CPEB1: variants seen among roughly 807,000 people sequenced by gnomAD.
CPEB1 encodes the protein cytoplasmic polyadenylation element binding protein 1, also known as cytoplasmic polyadenylation element-binding protein 1.
CPEB1 carries 7 observed loss-of-function variants against 65.8 expected under a neutral mutation model. The ratio of observed to expected loss-of-function variants is 0.11; its 90% CI spans 0.06 to 0.20. The LOEUF (loss-of-function observed/expected upper bound fraction) is 0.20, where lower values mean the gene tolerates loss of function less well. Ranked by LOEUF, CPEB1 falls within the 10% of genes least tolerant of loss-of-function variation. The pLI, the probability that CPEB1 is intolerant of heterozygous loss-of-function variation, is 1.00. For missense variants in CPEB1, 551 were observed against 712.2 expected, an observed-to-expected ratio of 0.77 and a Z score of 2.58; for synonymous variants, 262 against 260.0, an observed-to-expected ratio of 1.01 and a Z score of -0.08.
chr15:82,600,005 A>G (rs1485962571), intron 3 of CPEB1, among the ~76,000 whole-genome samples: 11 of 152,212 alleles, frequency 7.2e-5, no homozygotes, highest in Non-Finnish European at 1.6e-4. Context: ...AAGAGAAAGA[A>G]AAATGAGGCA....
intron 3 of CPEB1, among the ~76,000 whole-genome samples, chr15:82,577,643 T>A (rs2040808857): frequency 6.6e-6 from 1 of 152,002 alleles, no homozygotes; most frequent in African/African-American, 2.4e-5. Context: ...GCCTCCCAAG[T>A]AGCTGGGACT....
intron 3 of CPEB1, among the ~76,000 whole-genome samples, chr15:82,626,209 G>A (rs769460617): frequency 7.9e-5 from 12 of 151,842 alleles, no homozygotes; most frequent in Admixed American, 2.6e-4. Flanking sequence ...GCCAAGGCAC[G>A]CAGATCACAA....
intron 6 of CPEB1, among the ~76,000 whole-genome samples, chr15:82,555,644 A>G (rs543170902): frequency 6.6e-6 from 1 of 152,336 alleles, no homozygotes; most frequent in Non-Finnish European, 1.5e-5. Flanking sequence ...TGGCACATGC[A>G]TGTGCCAGAT....
intron 1 of CPEB1, chr15:82,641,637 C>T (rs2047126219): frequency 6.6e-6 from 1 of 152,076 alleles, no homozygotes; most frequent in African/African-American, 2.4e-5. Flanking sequence ...TTAGACCTGC[C>T]CTCTGGGGAT....
intron 1 of CPEB1, among the ~76,000 whole-genome samples, chr15:82,632,695 C>CT (rs111229793): frequency 3.2e-4 from 48 of 149,096 alleles, no homozygotes; most frequent in African/African-American, 8.4e-4. Flanking sequence ...TTTTTTTTAA[C>CT]TTTTTTTTTT....
chr15:82,568,575 T>G (rs998063377), intron 4 of CPEB1, among the ~76,000 whole-genome samples: 7 of 152,196 alleles, frequency 4.6e-5, no homozygotes, highest in Non-Finnish European at 1.0e-4. Context: ...AGGGTCTTCT[T>G]GCAGGACTCT....
intron 1 of CPEB1, chr15:82,629,892 CGTCAGCCTCAA>C (rs1255185921): frequency 3.0e-6 from 3 of 985,250 alleles, no homozygotes; most frequent in Non-Finnish European, 3.6e-6. Context: ...TTGAGCCTCA[CGTCAGCCTCAA>C]GTTCTTGAAG....
intron 3 of CPEB1, chr15:82,573,106 C>T (rs1368801419): frequency 1.3e-6 from 2 of 1,535,600 alleles, no homozygotes; most frequent in Non-Finnish European, 1.7e-6. Flanking sequence ...TGGGACCTCC[C>T]ATGGCAGGGT....
intron 6 of CPEB1, among the ~76,000 whole-genome samples, chr15:82,554,502 C>T (rs1365160861): frequency 6.6e-6 from 1 of 152,222 alleles, no homozygotes; most frequent in African/African-American, 2.4e-5. Context: ...TAAAAACCAG[C>T]ACTGGCAACC....
At chr15:82,647,553 G>A (rs1419888580), upstream of CPEB1, 2 of 301,560 alleles carry the variant, frequency 6.6e-6, no homozygotes, top group East Asian at 5.4e-5. Context: ...CTCCCGTCTG[G>A]ACAGACGCTC....
intron 3 of CPEB1, among the ~76,000 whole-genome samples, chr15:82,580,627 C>CT (rs1360288347): frequency 6.6e-5 from 10 of 151,938 alleles, no homozygotes; most frequent in Non-Finnish European, 1.3e-4. Flanking sequence ...ACCTCTAGAG[C>CT]TTTTTTTACG....
intron 4 of CPEB1, among the ~76,000 whole-genome samples, chr15:82,563,482 G>C (rs1368864857): frequency 6.7e-6 from 1 of 148,284 alleles, no homozygotes; most frequent in Non-Finnish European, 1.5e-5. Flanking sequence ...GTAGCTAGCG[G>C]CATGCCACCA....
chr15:82,557,785 C>T lies in CPEB1; in HGVS notation c.662G>A (p.Gly221Glu). Reference protein sequence around the residue: ...SDSDTSGFSSGSDHLSDLISS... With the variant: ...SDSDTSGFSSESDHLSDLISS... ...AATCAAATCTGAGAGATGATCTGAT[C>T]CAGAGCTGAAGCCACTGGTGTCTGA... The change falls in exon 5 of 13, where the codon GGA becomes GAA. Residue 221 changes from glycine to glutamate, a missense_variant. By Grantham distance (98) the Gly-to-Glu change is moderately conservative (BLOSUM62 -2). Transcript: ENST00000684509. 1 of 1,614,076 alleles carries T rather than the reference C, an allele frequency of 6.2e-7. No individual in the cohort carries two copies. Among genetic ancestry groups the T allele is most frequent in the Non-Finnish European group, 8.5e-7 (1 of 1,179,992 alleles).
intron 3 of CPEB1, among the ~76,000 whole-genome samples, chr15:82,578,539 G>A (rs1452505271): frequency 6.6e-6 from 1 of 152,134 alleles, no homozygotes; most frequent in Non-Finnish European, 1.5e-5. Flanking sequence ...CGAGGCAGGT[G>A]GATCACTGGA....
At chr15:82,554,038 C>A (rs1344778967) in intron 6 of CPEB1, 47 bp from the exon 7 acceptor site, 1 of 1,155,518 alleles carries the variant, frequency 8.7e-7, no homozygotes, top group Admixed American at 2.1e-5. Flanking sequence ...AGAGAATCAA[C>A]AAAGCCACAC....
chr15:82,628,324 C>A, intron 2 of CPEB1, 40 bp downstream of exon 2: 1 of 702,332 alleles, frequency 1.4e-6, no homozygotes, highest in Non-Finnish European at 2.6e-6. Flanking sequence ...GTGAAGATTT[C>A]CAAGACATGG....
At chr15:82,598,003 G>A (rs936409397) in intron 3 of CPEB1, among the ~76,000 whole-genome samples, 1 of 152,218 alleles carries the variant, frequency 6.6e-6, no homozygotes, top group Non-Finnish European at 1.5e-5. Context: ...CAGACAGGCT[G>A]GTTCTACTAC....
intron 3 of CPEB1, among the ~76,000 whole-genome samples, chr15:82,602,777 C>T (rs1191932791): frequency 1.3e-5 from 2 of 152,010 alleles, no homozygotes; most frequent in Non-Finnish European, 2.9e-5. Context: ...ACCCGGGAGG[C>T]GGAGGTTACA....
chr15:82,613,237 T>C (rs117163683), intron 3 of CPEB1, among the ~76,000 whole-genome samples: 2,695 of 152,346 alleles, frequency 0.018, 30 homozygotes, highest in Non-Finnish European at 0.026. Flanking sequence ...ATTCCAGGAA[T>C]GCGAAGTTGG....
Sources: allele counts gnomAD v4.1 joint callset (sites outside exome capture counted in the v4.1 genomes callset), GRCh38; gene constraint gnomAD v4.1.1; transcripts MANE v1.5; gene names NCBI Gene and HGNC (gene_info 2026-07-23, HGNC 2026-07-21).